Variants in MAGI2 observed in about 807,000 individuals in gnomAD.
The protein encoded by MAGI2 is membrane-associated guanylate kinase, WW and PDZ domain-containing protein 2.
A neutral mutation model predicts 133.3 loss-of-function variants in MAGI2; 35 were observed. The ratio of observed to expected loss-of-function variants is 0.26; its 90% CI spans 0.20 to 0.35. The LOEUF (loss-of-function observed/expected upper bound fraction) is 0.35. Ranked by LOEUF, MAGI2 falls within the 10% of genes least tolerant of loss-of-function variation. MAGI2 has a pLI of 1.00. For missense variants in MAGI2, 1,636 were observed against 1,863.4 expected, an observed-to-expected ratio of 0.88 and a Z score of 2.25; for synonymous variants, 729 against 710.6, an observed-to-expected ratio of 1.03 and a Z score of -0.41.
chr7:79,225,565 A>G (rs1830780634), intron 1 of MAGI2, among the ~76,000 whole-genome samples: 1 of 152,212 alleles, frequency 6.6e-6, no homozygotes, highest in Non-Finnish European at 1.5e-5. Flanking sequence ...TGTTTGTGAG[A>G]GATATGCTAA....
At chr7:78,564,263 G>A (rs1316298446) in intron 3 of MAGI2, among the ~76,000 whole-genome samples, 2 of 152,146 alleles carry the variant, frequency 1.3e-5, no homozygotes, top group East Asian at 3.9e-4. Flanking sequence ...CAGCGTTTTA[G>A]TATTATAGGC....
At chr7:78,250,587 AAGTT>A (rs1471960901) in intron 10 of MAGI2, among the ~76,000 whole-genome samples, 5 of 152,114 alleles carry the variant, frequency 3.3e-5, no homozygotes, top group African/African-American at 9.6e-5. Flanking sequence ...GCAATTTCAA[AAGTT>A]AGTTCTTAAA....
At chr7:79,043,218 G>C (rs927760736) in intron 1 of MAGI2, among the ~76,000 whole-genome samples, 1 of 151,956 alleles carries the variant, frequency 6.6e-6, no homozygotes, top group African/African-American at 2.4e-5. Flanking sequence ...CAGAAAAAAA[G>C]AAATAACCAA....
intron 2 of MAGI2, among the ~76,000 whole-genome samples, chr7:78,906,422 A>G (rs939854941): frequency 9.0e-4 from 137 of 152,320 alleles, no homozygotes; most frequent in African/African-American, 3.2e-3. Context: ...CTCGTCTATC[A>G]TCATCCTTAT....
chr7:78,900,232 A>G (rs557568230), intron 2 of MAGI2, among the ~76,000 whole-genome samples: 4 of 152,264 alleles, frequency 2.6e-5, no homozygotes, highest in South Asian at 2.1e-4. Context: ...CTGCTGCCTC[A>G]TATATCTGAC....
At chr7:79,164,493 G>A (rs1352192517) in intron 1 of MAGI2, among the ~76,000 whole-genome samples, 2 of 151,928 alleles carry the variant, frequency 1.3e-5, no homozygotes, top group South Asian at 4.2e-4. Flanking sequence ...GAGATTAACC[G>A]AGAGTCTAGC....
chr7:79,283,272 T>G (rs949379766), intron 1 of MAGI2, among the ~76,000 whole-genome samples: 2 of 152,134 alleles, frequency 1.3e-5, no homozygotes, highest in Non-Finnish European at 2.9e-5. Flanking sequence ...GACATATAAA[T>G]GCATGAAACA....
At chr7:78,934,235 GGGA>G (rs1800349905) in intron 2 of MAGI2, among the ~76,000 whole-genome samples, 1 of 152,032 alleles carries the variant, frequency 6.6e-6, no homozygotes, top group Non-Finnish European at 1.5e-5. Context: ...CTGAGTAGTT[GGGA>G]TTACAGGTGC....
At chr7:78,294,915 T>C (rs1323268356) in intron 9 of MAGI2, among the ~76,000 whole-genome samples, 1 of 152,158 alleles carries the variant, frequency 6.6e-6, no homozygotes, top group Non-Finnish European at 1.5e-5. Flanking sequence ...GTTTAATGTA[T>C]TAGAATAACA....
At chr7:78,693,231 A>G (rs1302175015) in intron 2 of MAGI2, among the ~76,000 whole-genome samples, 4 of 152,200 alleles carry the variant, frequency 2.6e-5, no homozygotes. Context: ...TGCCTGTCAC[A>G]TAGTGCTTTG....
At chr7:78,192,142 A>G (rs1321947592) in intron 12 of MAGI2, among the ~76,000 whole-genome samples, 1 of 152,200 alleles carries the variant, frequency 6.6e-6, no homozygotes, top group Non-Finnish European at 1.5e-5. Context: ...TGAGATCACT[A>G]TAGGCTAGGG....
intron 6 of MAGI2, among the ~76,000 whole-genome samples, chr7:78,478,895 C>T (rs909488773): frequency 1.3e-5 from 2 of 151,908 alleles, no homozygotes; most frequent in African/African-American, 2.4e-5. Context: ...TCTCCCTGGC[C>T]GAAGGGCAAG....
chr7:78,578,886 A>G (rs961205304), intron 3 of MAGI2, among the ~76,000 whole-genome samples: 4 of 152,158 alleles, frequency 2.6e-5, no homozygotes, highest in African/African-American at 9.7e-5. Flanking sequence ...TCCTTTCCCC[A>G]CAATACCCTC....
chr7:78,071,257 T>G (rs768648767), intron 21 of MAGI2, among the ~76,000 whole-genome samples: 15 of 152,176 alleles, frequency 9.9e-5, no homozygotes, highest in Non-Finnish European at 1.8e-4. Flanking sequence ...AGCCCCTGGC[T>G]GGGCCTGGTG....
intron 9 of MAGI2, among the ~76,000 whole-genome samples, chr7:78,264,371 CTT>C (rs1171620443): frequency 6.6e-6 from 1 of 152,170 alleles, no homozygotes; most frequent in Non-Finnish European, 1.5e-5. Context: ...GTTGAGGACT[CTT>C]TTGTGTCCCT....
intron 2 of MAGI2, among the ~76,000 whole-genome samples, chr7:78,796,688 T>C (rs1167113526): frequency 1.3e-5 from 2 of 152,152 alleles, no homozygotes; most frequent in African/African-American, 4.8e-5. Context: ...CTCCCATGTT[T>C]ATTGCAGCAC....
intron 1 of MAGI2, among the ~76,000 whole-genome samples, chr7:79,200,144 G>A (rs1279520040): frequency 6.6e-6 from 1 of 151,844 alleles, no homozygotes; most frequent in Non-Finnish European, 1.5e-5. Flanking sequence ...ATTCAGACAA[G>A]TGGTTTATAG....
At chr7:78,490,022 G>A in intron 5 of MAGI2, 182 bp from the exon 6 acceptor site, 2 of 495,906 alleles carry the variant, frequency 4.0e-6, no homozygotes, top group South Asian at 4.0e-5. Context: ...TGTAAATTTG[G>A]CAACCTCAGC....
intron 2 of MAGI2, among the ~76,000 whole-genome samples, chr7:79,003,961 G>A (rs1807164461): frequency 6.6e-6 from 1 of 152,154 alleles, no homozygotes; most frequent in Admixed American, 6.5e-5. Flanking sequence ...ACAAATGCTG[G>A]TGAGGATGCA....
Sources: allele counts gnomAD v4.1 joint callset (sites outside exome capture counted in the v4.1 genomes callset), GRCh38; gene constraint gnomAD v4.1.1; transcripts MANE v1.5; gene names NCBI Gene and HGNC (gene_info 2026-07-23, HGNC 2026-07-21).